Variants in ROBO2 observed in about 807,000 individuals in gnomAD.
The protein encoded by ROBO2 is roundabout homolog 2.
Under a neutral mutation model 160.8 loss-of-function variants are expected in ROBO2, and 53 were observed. The ratio of observed to expected loss-of-function variants is 0.33; its 90% CI spans 0.26 to 0.41. The LOEUF (loss-of-function observed/expected upper bound fraction) is 0.41. Among genes scored for constraint, ROBO2 ranks in the 10% least tolerant of loss-of-function variants. The probability of loss-of-function intolerance (pLI) is 1.00; values close to 1 mark genes in which losing one functional copy is unlikely to be tolerated. For synonymous variants in ROBO2, 664 were observed against 611.7 expected (o/e 1.09, Z -1.26); for missense variants, 1,577 against 1,722.4 (o/e 0.92, Z 1.49).
Position 77,491,666 on chromosome 3 carries a change from C to T in ROBO2, c.668-1578C>T, listed in dbSNP as rs149122221. Among the ~76,000 whole-genome samples the T allele has an allele frequency of 8.9e-3, 1,356 of 152,188 alleles. 10 individuals are homozygous for T. The highest frequency in any genetic ancestry group is 0.051 in the Middle Eastern group (15 of 294). ...CAATTTGCTGCTAATTTATTCAGGGCGTCTAAAATCTTTAGATGCAACCGT... is the reference window on the plus strand; with the variant it reads ...CAATTTGCTGCTAATTTATTCAGGGTGTCTAAAATCTTTAGATGCAACCGT... On this transcript the variant is annotated intron_variant, in intron 4 of 25. Coordinates refer to ENST00000461745, the Ensembl canonical transcript of ROBO2.
At chr3:76,305,031 AG>A (rs1390222445) in intron 2 of ROBO2, among the ~76,000 whole-genome samples, 6 of 152,092 alleles carry the variant, frequency 3.9e-5, no homozygotes, top group African/African-American at 1.4e-4. Context: ...GAATATAAAT[AG>A]GATATTTTAC....
At position 76,312,546 on chromosome 3, in the gene ROBO2, G is replaced by C. The variant is rs553824022; in HGVS notation, c.109+374944G>C. Reference sequence around the variant, plus strand: ...TTGGTGCAGATCCACCCAGAGGAATGGTGCTGCAAATTATCTTCAGGCCTT... The same window carrying C: ...TTGGTGCAGATCCACCCAGAGGAATCGTGCTGCAAATTATCTTCAGGCCTT... On this transcript the variant is annotated intron_variant, in intron 2 of 26. Transcript: ENST00000487694. Among the ~76,000 whole-genome samples, 5 of 152,274 alleles carry C rather than the reference G, an allele frequency of 3.3e-5. No homozygotes were observed. The South Asian group carries it at 1.0e-3, about 32-fold the overall frequency.
At chr3:76,626,937 G>A (rs138952342) in intron 2 of ROBO2, among the ~76,000 whole-genome samples, 2,906 of 152,130 alleles carry the variant, frequency 0.019, 86 homozygotes, top group African/African-American at 0.064. Flanking sequence ...TGGTCCGCCC[G>A]CCTCGGCCTC....
intron 2 of ROBO2, among the ~76,000 whole-genome samples, chr3:76,710,300 T>C (rs953858410): frequency 7.2e-5 from 11 of 152,078 alleles, no homozygotes; most frequent in African/African-American, 2.7e-4. Flanking sequence ...TTTGTATTTT[T>C]AGCAGACACG....
intron 2 of ROBO2, among the ~76,000 whole-genome samples, chr3:76,209,393 A>G (rs1210404241): frequency 1.3e-5 from 2 of 152,170 alleles, no homozygotes; most frequent in African/African-American, 4.8e-5. Flanking sequence ...TATTTTAACT[A>G]TTTTTGAAAA....
At chr3:76,608,800 A>G (rs2087855170) in intron 2 of ROBO2, among the ~76,000 whole-genome samples, 1 of 152,116 alleles carries the variant, frequency 6.6e-6, no homozygotes, top group Non-Finnish European at 1.5e-5. Context: ...CAGTTTTTCC[A>G]GCACCTTGTA....
intron 2 of ROBO2, among the ~76,000 whole-genome samples, chr3:77,166,134 C>T (rs999827830): frequency 2.6e-5 from 4 of 151,968 alleles, no homozygotes; most frequent in East Asian, 1.9e-4. Flanking sequence ...GGCATGTGCC[C>T]GTAGTCCCAG....
chr3:77,171,699 T>C (rs2079650324), intron 2 of ROBO2, among the ~76,000 whole-genome samples: 1 of 152,212 alleles, frequency 6.6e-6, no homozygotes, highest in South Asian at 2.1e-4. Flanking sequence ...AGAAGCATCA[T>C]TTAAATGGTG....
intron 2 of ROBO2, among the ~76,000 whole-genome samples, chr3:76,284,550 G>A (rs548875255): frequency 1.9e-4 from 29 of 151,976 alleles, no homozygotes; most frequent in Non-Finnish European, 3.4e-4. Flanking sequence ...CCAACTTCTT[G>A]ACTCATTGAT....
At chr3:77,096,424 C>A (rs995465644) in intron 1 of ROBO2, among the ~76,000 whole-genome samples, 2 of 151,280 alleles carry the variant, frequency 1.3e-5, no homozygotes, top group African/African-American at 4.9e-5. Context: ...ACAGAGCCTT[C>A]TCTTCCTATT....
At chr3:76,585,470 C>T (rs1330800897) in intron 2 of ROBO2, among the ~76,000 whole-genome samples, 4 of 152,106 alleles carry the variant, frequency 2.6e-5, no homozygotes, top group Admixed American at 1.3e-4. Context: ...GTTAAAGCAC[C>T]GATTTCTGGG....
At chr3:76,704,406 G>T (rs1368701067) in intron 2 of ROBO2, among the ~76,000 whole-genome samples, 3 of 151,936 alleles carry the variant, frequency 2.0e-5, no homozygotes, top group Non-Finnish European at 2.9e-5. Context: ...ATCCATTTGT[G>T]CAAAATGGCA....
At chr3:76,549,184 TTTTTTA>T (rs1345743742) in intron 2 of ROBO2, among the ~76,000 whole-genome samples, 2 of 152,138 alleles carry the variant, frequency 1.3e-5, no homozygotes, top group East Asian at 1.9e-4. Context: ...ATAAACACCA[TTTTTTA>T]TTTTTAAGTT....
At chr3:76,088,268 T>C (rs1254429469) in intron 2 of ROBO2, among the ~76,000 whole-genome samples, 6 of 152,052 alleles carry the variant, frequency 3.9e-5, no homozygotes, top group Non-Finnish European at 8.8e-5. Context: ...GTAAATCTAC[T>C]CTTATAATTA....
intron 2 of ROBO2, among the ~76,000 whole-genome samples, chr3:76,257,629 TAC>T (rs1165420172): frequency 6.6e-6 from 1 of 151,972 alleles, no homozygotes; most frequent in Non-Finnish European, 1.5e-5. Flanking sequence ...TCTCACTGCA[TAC>T]AGTTATTTCT....
chr3:77,093,299 A>C (rs897819655), intron 1 of ROBO2, among the ~76,000 whole-genome samples: 2 of 152,122 alleles, frequency 1.3e-5, no homozygotes, highest in African/African-American at 4.8e-5. Context: ...TAGATGTCCA[A>C]AATGTTGAGG....
intron 2 of ROBO2, among the ~76,000 whole-genome samples, chr3:77,201,325 A>G (rs868307692): frequency 5.3e-5 from 8 of 152,232 alleles, no homozygotes; most frequent in African/African-American, 1.9e-4. Flanking sequence ...AAGAAGTTTT[A>G]TAAATGTTAT....
chr3:77,551,073 T>G, intron 8 of ROBO2, 84 bp downstream of exon 9: 1 of 1,430,080 alleles, frequency 7.0e-7, no homozygotes, highest in South Asian at 1.2e-5. Context: ...GTTTGCTGAT[T>G]TGTTAAATCA....
At chr3:77,432,575 A>C (rs1255648622) in intron 2 of ROBO2, among the ~76,000 whole-genome samples, 2 of 152,068 alleles carry the variant, frequency 1.3e-5, no homozygotes, top group Non-Finnish European at 2.9e-5. Context: ...TAATGTTTTT[A>C]TTGGTGCACA....
Sources: gnomAD v4.1 joint callset for allele counts (sites outside exome capture counted in the v4.1 genomes callset) on GRCh38, gnomAD v4.1.1 for gene constraint, MANE v1.5 for transcripts, NCBI Gene and HGNC (gene_info 2026-07-23, HGNC 2026-07-21) for gene names.